The following CHAF1A variants were observed in gnomAD, a reference collection of about 807,000 sequenced individuals.
The protein encoded by CHAF1A is chromatin assembly factor 1 subunit A, also known as CAF-1 subunit A.
Under a neutral mutation model 93.2 loss-of-function variants are expected in CHAF1A, and 5 were observed. That is an observed-to-expected ratio of 0.05 (90% CI 0.03 to 0.11). The LOEUF is 0.11. Ranked by LOEUF, CHAF1A falls within the 10% of genes least tolerant of loss-of-function variation. CHAF1A has a pLI of 1.00. For missense variants in CHAF1A, 1,102 were observed against 1,259.9 expected (o/e 0.87, Z 1.90); for synonymous variants, 504 against 510.3 (o/e 0.99, Z 0.17).
Position 4,423,402 on chromosome 19 carries a change from T to C in CHAF1A, c.1308+7T>C. 6.2e-7 allele frequency: 1 copy of C among 1,613,382 alleles called. No individual in the cohort carries two copies. The highest frequency in any genetic ancestry group is 1.1e-5 in the South Asian group (1 of 91,010). On this transcript the variant is annotated splice_region_variant and intron_variant, in intron 6 of 14. Transcript: ENST00000301280. ...GTTAAGAGAAGAAGAGAAGGTAGAG[T>C]GTTTCCCACAGAGCTTCCCCGTCCC...
In CHAF1A at chr19:4,422,509, G is replaced by A; in HGVS notation, c.1018-57G>A. 2 of 1,476,802 alleles carry A rather than the reference G, an allele frequency of 1.4e-6. No individual in the cohort carries two copies. The highest frequency in any genetic ancestry group is 1.8e-6 in the Non-Finnish European group (2 of 1,081,122). The allele number at this position is 1,476,802 out of a possible 1,614,324, so 91.5% of individuals were successfully genotyped here. A position where few individuals can be genotyped will look rare whatever the true frequency, so the allele number is the denominator to read the frequency against. The stretch of plus-strand genomic sequence containing the variant: ...TGCTGTCCTCCATGCTGTGAACCGA[G>A]CTTCCTCCTGGGAGTTGGAGGGAGG... On this transcript the variant is annotated intron_variant, in intron 4 of 14. Coordinates refer to ENST00000301280, the MANE Select transcript of CHAF1A (RefSeq NM_005483.3). This position sits in a 1 kb window ranked among gnomAD's most constrained non-coding sequence, Gnocchi z 4.6.
chr19:4,446,078 C>T (rs763386494), downstream of CHAF1A: 29 of 1,612,512 alleles, frequency 1.8e-5, no homozygotes, highest in Admixed American at 2.0e-4. Flanking sequence ...GCCAGGTTCT[C>T]GTCCTCGGAC....
chr19:4,448,505 G>C (rs1006033416), downstream of CHAF1A: 4 of 1,096,062 alleles, frequency 3.6e-6, no homozygotes, highest in African/African-American at 6.2e-5. Flanking sequence ...GGAAAAGGAA[G>C]GCAGAACAGC....
At chr19:4,415,008 T>G (rs2267942) in intron 3 of CHAF1A, among the ~76,000 whole-genome samples, 47,389 of 151,958 alleles carry the variant, frequency 0.31, 8,840 homozygotes, top group Non-Finnish European at 0.42. Context: ...TGAGAAAGGG[T>G]GCAGGAATTT....
At chr19:4,418,165 A>G in intron 4 of CHAF1A, 89 bp downstream of exon 4, 1 of 846,514 alleles carries the variant, frequency 1.2e-6, no homozygotes, top group Non-Finnish European at 1.9e-6. Flanking sequence ...CCTTTGGTCT[A>G]GTTTTTACAT....
At chr19:4,419,813 C>T (rs954329964) in intron 4 of CHAF1A, among the ~76,000 whole-genome samples, 5 of 152,166 alleles carry the variant, frequency 3.3e-5, no homozygotes, top group East Asian at 3.8e-4. Flanking sequence ...TCCCGCACAC[C>T]GGGTTGGGGA....
chr19:4,434,821 C>T lies in CHAF1A; in HGVS notation c.2673+1282C>T, dbSNP rs1304584071. Among the ~76,000 whole-genome samples, 5 of 152,118 alleles carry T rather than the reference C, an allele frequency of 3.3e-5. No individual in the cohort carries two copies. The East Asian group carries it at 5.8e-4, about 18-fold the overall frequency. Reference sequence around the variant, plus strand: ...ACACAGGTATATGCAGAACACCGCCCGGTGTAAGGCACAGACAGGAGCCTG... The same window carrying T: ...ACACAGGTATATGCAGAACACCGCCTGGTGTAAGGCACAGACAGGAGCCTG... On this transcript the variant is annotated intron_variant, in intron 13 of 14. Coordinates refer to ENST00000301280, the MANE Select transcript of CHAF1A (RefSeq NM_005483.3).
In CHAF1A at chr19:4,428,907, G is replaced by T; in HGVS notation, c.1604+17G>T. 1 of 1,606,850 alleles carries T rather than the reference G, an allele frequency of 6.2e-7. No individual in the cohort carries two copies. Among genetic ancestry groups the T allele is most frequent in the Non-Finnish European group, 8.5e-7 (1 of 1,174,098 alleles). The stretch of plus-strand genomic sequence containing the variant: ...TTTTAACAGGTCAGAGCCTGAGGAG[G>T]TCGGCCTTCACCCACTAGTGATGCT... On this transcript the variant is annotated intron_variant, in intron 8 of 14. Transcript: ENST00000301280.
At chr19:4,441,150 C>A (rs937424509) in intron 13 of CHAF1A, among the ~76,000 whole-genome samples, 1 of 151,958 alleles carries the variant, frequency 6.6e-6, no homozygotes, top group Non-Finnish European at 1.5e-5. Flanking sequence ...AACCCCATCT[C>A]TACTAAAAAT....
intron 3 of CHAF1A, among the ~76,000 whole-genome samples, chr19:4,411,762 G>A (rs763602288): frequency 4.0e-5 from 6 of 148,376 alleles, no homozygotes; most frequent in African/African-American, 7.5e-5. Context: ...ATTTTCCTGC[G>A]TCAGCCTCTT....
At chr19:4,430,875 AC>A in intron 11 of CHAF1A, 1 of 528,614 alleles carries the variant, frequency 1.9e-6, no homozygotes, top group East Asian at 3.3e-5. Flanking sequence ...AGGAGCAGAC[AC>A]CCTGGTGAGG....
At position 4,418,049 on chromosome 19, in the gene CHAF1A, A is replaced by G; in HGVS notation, c.990A>G (p.Thr330=). The G allele has an allele frequency of 6.2e-7, 1 of 1,607,400 alleles. No individual in the cohort carries two copies. Among genetic ancestry groups the G allele is most frequent in the Non-Finnish European group, 8.5e-7 (1 of 1,177,094 alleles). ...CTAAGAAATTCGTCAAAGGCTCTAC[A>G]GAGAAGAACAAGCTCAGACTGCAAA... The part of the protein sequence containing the change: ...RITKKFVKGS[T]EKNKLRLQRD... The change falls in exon 4 of 15, where the codon ACA becomes ACG. Residue 330 remains threonine, a synonymous_variant. Coordinates refer to ENST00000301280, the MANE Select transcript of CHAF1A (RefSeq NM_005483.3).
chr19:4,422,582 G>A lies in CHAF1A; in HGVS notation c.1034G>A (p.Gly345Asp), dbSNP rs1458647321. The A allele has an allele frequency of 7.7e-6, 12 of 1,568,184 alleles. No individual in the cohort carries two copies. Among genetic ancestry groups the A allele is most frequent in the Non-Finnish European group, 1.0e-5 (12 of 1,156,570 alleles). ...LRLQRDQERL[G>D]KQLKLRAERE... The stretch of plus-strand genomic sequence containing the variant: ...GTCTTGTAGGATCAGGAGCGTCTGG[G>A]CAAGCAGCTCAAGTTACGTGCAGAA... The change falls in exon 5 of 15, where the codon GGC (glycine) becomes GAC (aspartate). Residue 345 changes from glycine to aspartate, a missense_variant. Coordinates refer to ENST00000301280, the MANE Select transcript of CHAF1A (RefSeq NM_005483.3). The surrounding 1 kb of genome is among the most constrained non-coding windows in gnomAD (Gnocchi z 4.6).
the CHAF1A span, chr19:4,450,184 C>A: frequency 1.4e-5 from 2 of 146,990 alleles, no homozygotes; most frequent in Admixed American, 6.9e-5. Flanking sequence ...GAGATTGCAC[C>A]ACTGCACTCC....
At chr19:4,435,258 T>C (rs1480034732) in intron 13 of CHAF1A, among the ~76,000 whole-genome samples, 1 of 151,536 alleles carries the variant, frequency 6.6e-6, no homozygotes, top group Non-Finnish European at 1.5e-5. Context: ...GCCCGGCTAA[T>C]TTTTTGTATT....
intron 3 of CHAF1A, among the ~76,000 whole-genome samples, chr19:4,411,644 CTTTTTTTTT>C (rs66491258): frequency 4.1e-5 from 2 of 48,204 alleles, no homozygotes; most frequent in African/African-American, 7.9e-5. Context: ...TGGTGCAAAT[CTTTTTTTTT>C]TTTTTTTTTT....
chr19:4,418,929 C>T (rs1190834214), intron 4 of CHAF1A, among the ~76,000 whole-genome samples: 1 of 151,896 alleles, frequency 6.6e-6, no homozygotes, highest in Non-Finnish European at 1.5e-5. Context: ...GTGGCACGAT[C>T]TCGGCTCACT....
At chr19:4,409,987 G>A (rs1973763506) in intron 3 of CHAF1A, among the ~76,000 whole-genome samples, 2 of 152,208 alleles carry the variant, frequency 1.3e-5, no homozygotes, top group Admixed American at 1.3e-4. Flanking sequence ...CTGGTGTACT[G>A]TGTGAATAAC....
intron 13 of CHAF1A, among the ~76,000 whole-genome samples, chr19:4,435,208 A>C (rs1974262262): frequency 2.1e-5 from 3 of 143,940 alleles, no homozygotes; most frequent in Non-Finnish European, 4.5e-5. Flanking sequence ...CTTCTGGCTC[A>C]GCCTCCCGAG....
Sources: allele counts gnomAD v4.1 joint callset (sites outside exome capture counted in the v4.1 genomes callset), GRCh38; gene constraint gnomAD v4.1.1; non-coding constraint Gnocchi (gnomAD v3.1); transcripts MANE v1.5; gene names NCBI Gene and HGNC (gene_info 2026-07-23, HGNC 2026-07-21).